SDK1: variants seen among roughly 807,000 people sequenced by gnomAD.
SDK1 encodes protein sidekick-1.
SDK1 carries 157 observed loss-of-function variants against 245.5 expected under a neutral mutation model. The observed-to-expected ratio is 0.64, with a 90% CI of 0.56 to 0.73. SDK1 has a LOEUF of 0.73. SDK1 is among the 30% of genes least tolerant of loss of function. SDK1 has a pLI of 0.00. For synonymous variants in SDK1, 1,647 were observed against 1,278.5 expected, an observed-to-expected ratio of 1.29 and a Z score of -6.15; for missense variants, 3,583 against 3,002.3, an observed-to-expected ratio of 1.19 and a Z score of -4.52.
intron 5 of SDK1, among the ~76,000 whole-genome samples, chr7:3,862,893 G>C (rs987106670): frequency 3.9e-5 from 6 of 152,192 alleles, no homozygotes; most frequent in African/African-American, 1.4e-4. Context: ...AACCCATATG[G>C]ATCCCTGGCA....
intron 1 of SDK1, among the ~76,000 whole-genome samples, chr7:3,418,027 G>T (rs1314440383): frequency 1.3e-5 from 2 of 151,048 alleles, no homozygotes; most frequent in African/African-American, 4.9e-5. Context: ...TACTAACTCA[G>T]TAGACACTGT....
chr7:3,664,720 A>G (rs913208610), intron 4 of SDK1, among the ~76,000 whole-genome samples: 2 of 148,618 alleles, frequency 1.3e-5, no homozygotes, highest in Non-Finnish European at 1.5e-5. Context: ...AGCCTGGGCA[A>G]CAGAGCGAGA....
At chr7:3,750,909 C>A (rs375493578) in intron 4 of SDK1, among the ~76,000 whole-genome samples, 21 of 152,332 alleles carry the variant, frequency 1.4e-4, no homozygotes, top group African/African-American at 5.1e-4. Flanking sequence ...GTAGCGCTAA[C>A]AGCACAGAAG....
intron 1 of SDK1, among the ~76,000 whole-genome samples, chr7:3,529,636 C>T (rs754592184): frequency 9.2e-5 from 14 of 152,108 alleles, no homozygotes; most frequent in Non-Finnish European, 1.5e-4. Context: ...ATTTGGCAAC[C>T]ACTGTGGTGG....
chr7:4,240,299 A>G (rs1321820974), intron 42 of SDK1, among the ~76,000 whole-genome samples: 1 of 152,162 alleles, frequency 6.6e-6, no homozygotes, highest in African/African-American at 2.4e-5. Context: ...GAAGCCGGGA[A>G]AAAATAACAC....
At chr7:3,929,410 C>G (rs1269149902) in intron 5 of SDK1, among the ~76,000 whole-genome samples, 1 of 152,224 alleles carries the variant, frequency 6.6e-6, no homozygotes, top group East Asian at 1.9e-4. Flanking sequence ...CTCACACCTT[C>G]TAGCTTGTTC....
At chr7:3,656,929 A>G (rs1409027276) in intron 4 of SDK1, among the ~76,000 whole-genome samples, 2 of 151,202 alleles carry the variant, frequency 1.3e-5, no homozygotes, top group South Asian at 2.1e-4. Flanking sequence ...TTGTATTTTT[A>G]GTAGAGACGG....
intron 1 of SDK1, among the ~76,000 whole-genome samples, chr7:3,403,751 G>C (rs1201652624): frequency 6.8e-6 from 1 of 147,236 alleles, no homozygotes; most frequent in African/African-American, 2.5e-5. Flanking sequence ...GAAAGAGTGA[G>C]GGCACTGTGC....
At chr7:3,304,086 A>G (rs1779353169) in intron 1 of SDK1, among the ~76,000 whole-genome samples, 1 of 152,192 alleles carries the variant, frequency 6.6e-6, no homozygotes, top group African/African-American at 2.4e-5. Context: ...TAAAAGTTAC[A>G]TTTTTATAAC....
chr7:3,937,855 T>G (rs1780214059), intron 5 of SDK1, among the ~76,000 whole-genome samples: 1 of 152,160 alleles, frequency 6.6e-6, no homozygotes, highest in African/African-American at 2.4e-5. Flanking sequence ...TTTTTTTCTT[T>G]GAGACAGAGT....
chr7:4,159,906 A>ACGTT (rs1781006090), intron 31 of SDK1, among the ~76,000 whole-genome samples: 1 of 152,242 alleles, frequency 6.6e-6, no homozygotes, highest in Non-Finnish European at 1.5e-5. Context: ...ACAAATTATA[A>ACGTT]CGTTGTAGGA....
intron 22 of SDK1, among the ~76,000 whole-genome samples, chr7:4,090,433 A>G (rs1781712895): frequency 6.6e-6 from 1 of 152,140 alleles, no homozygotes; most frequent in Non-Finnish European, 1.5e-5. Context: ...TTTTCCATTA[A>G]TTATCATCAG....
chr7:4,079,937 C>T (rs534108503), intron 22 of SDK1, among the ~76,000 whole-genome samples: 1 of 152,314 alleles, frequency 6.6e-6, no homozygotes, highest in East Asian at 1.9e-4. Flanking sequence ...TTGCTTGGTA[C>T]AGCTTGTGTG....
rs1344942847 is a variant in SDK1 at position 4,265,349 on chromosome 7, C to A, written c.6607C>A (p.Arg2203=). 9 of 1,460,780 alleles carry A rather than the reference C, an allele frequency of 6.2e-6. No individual in the cohort carries two copies. Among genetic ancestry groups the A allele is most frequent in the Non-Finnish European group, 8.0e-6 (9 of 1,119,452 alleles). The allele number at this position is 1,460,780 out of a possible 1,614,324, so 90.5% of individuals were successfully genotyped here. A position where few individuals can be genotyped will look rare whatever the true frequency, so the allele number is the denominator to read the frequency against. The change falls in exon 45 of 45, where the codon CGA becomes AGA. Residue 2203 remains arginine, a synonymous_variant. Coordinates refer to ENST00000404826, the MANE Select transcript of SDK1 (RefSeq NM_152744.4). ...GVYTPAGPGA[R]TPLTGFSSFV is the part of the protein sequence containing the mutation. ...CTACACCCCCGCTGGCCCCGGCGCG[C>A]GAACTCCGCTCACCGGCTTCTCCTC...
At chr7:3,940,816 A>T (rs1322818225) in intron 5 of SDK1, among the ~76,000 whole-genome samples, 2 of 151,584 alleles carry the variant, frequency 1.3e-5, no homozygotes, top group African/African-American at 4.8e-5. Flanking sequence ...AATAATAATA[A>T]TAATAGTAAA....
intron 5 of SDK1, among the ~76,000 whole-genome samples, chr7:3,892,767 C>T (rs912599801): frequency 6.6e-6 from 1 of 152,200 alleles, no homozygotes; most frequent in African/African-American, 2.4e-5. Context: ...ATGCAGCCAG[C>T]TCAGTGCAGC....
At chr7:3,611,307 A>G (rs899322450) in intron 1 of SDK1, among the ~76,000 whole-genome samples, 4 of 152,172 alleles carry the variant, frequency 2.6e-5, no homozygotes, top group Non-Finnish European at 5.9e-5. Context: ...GGAGAATTAC[A>G]TAGTTTGGGA....
At chr7:3,723,651 G>A (rs1241653725) in intron 4 of SDK1, among the ~76,000 whole-genome samples, 1 of 144,558 alleles carries the variant, frequency 6.9e-6, no homozygotes, top group Non-Finnish European at 1.5e-5. Flanking sequence ...CAGTTAGTAA[G>A]TAAAAGTTGT....
At chr7:4,137,745 C>T (rs1287731177) in intron 28 of SDK1, among the ~76,000 whole-genome samples, 4 of 152,258 alleles carry the variant, frequency 2.6e-5, no homozygotes, top group South Asian at 2.1e-4. Context: ...CCCTCGCACA[C>T]GCCGCCGTCT....
Sources: allele counts gnomAD v4.1 joint callset (sites outside exome capture counted in the v4.1 genomes callset), GRCh38; gene constraint gnomAD v4.1.1; transcripts MANE v1.5; gene names NCBI Gene and HGNC (gene_info 2026-07-23, HGNC 2026-07-21).